CCNG1: variants seen among roughly 807,000 people sequenced by gnomAD.
CCNG1 encodes the protein cyclin-G1.
Under a neutral mutation model 30.0 loss-of-function variants are expected in CCNG1, and 13 were observed. The observed-to-expected ratio is 0.43, with a 90% CI of 0.28 to 0.69. CCNG1 has a LOEUF of 0.69. Among genes scored for constraint, CCNG1 ranks in the 30% least tolerant of loss-of-function variants. CCNG1 has a pLI of 0.16. For missense variants in CCNG1, 285 were observed against 331.4 expected (o/e 0.86, Z 1.09); for synonymous variants, 110 against 121.5 (o/e 0.91, Z 0.62).
At chr5:163,457,178 C>A in the CCNG1 span, 2 of 1,273,022 alleles carry the variant, frequency 1.6e-6, no homozygotes, top group South Asian at 1.6e-5. Context: ...CTCACCCAGG[C>A]TGGAGTGCAG....
downstream of CCNG1, chr5:163,449,456 A>G (rs1379584228): frequency 6.6e-6 from 1 of 152,254 alleles, no homozygotes; most frequent in Non-Finnish European, 1.5e-5. Flanking sequence ...TAAAATGCTG[A>G]TAACTGAAAT....
Position 163,444,633 on chromosome 5 carries a change from T to C in CCNG1, c.*963T>C, listed in dbSNP as rs2113383947. The C allele has an allele frequency of 6.5e-6, 1 of 152,764 alleles. No individual in the cohort carries two copies. Among genetic ancestry groups the C allele is most frequent in the South Asian group, 2.1e-4 (1 of 4,830 alleles). The allele number at this position is 152,764 out of a possible 1,614,324, so 9.5% of individuals were successfully genotyped here. A position where few individuals can be genotyped will look rare whatever the true frequency, so the allele number is the denominator to read the frequency against. ...ATCTTAAGAAAAGCAAGTAGACACC[T>C]TCATAACTATGAATGAAGCTGCTGA... is the stretch of plus-strand genomic sequence containing the variant. On this transcript the variant is annotated 3_prime_UTR_variant, in exon 7 of 7. Transcript: ENST00000340828.
chr5:163,442,400 G>A lies in CCNG1; in HGVS notation c.723G>A (p.Trp241Ter), dbSNP rs1757862703. ...SKINGRDLTF[W>*]QELVSKCLTE... ...TAAATGGCAGAGATCTGACCTTCTG[G>A]CAAGAGCTTGTATCCAAATGTTTAA... is the stretch of plus-strand genomic sequence containing the variant. The change falls in exon 6 of 7, where the codon TGG (tryptophan) becomes TGA (stop). Residue 241 changes from tryptophan to a stop codon, truncating the protein, a stop_gained. Coordinates refer to ENST00000340828, the MANE Select transcript of CCNG1 (RefSeq NM_004060.4). LOFTEE classifies it high-confidence loss of function. 1 of 1,612,872 alleles carries A rather than the reference G, an allele frequency of 6.2e-7. No homozygotes were observed. The highest frequency in any genetic ancestry group is 8.5e-7 in the Non-Finnish European group (1 of 1,179,538).
chr5:163,443,829 C>T lies in CCNG1; in HGVS notation c.*159C>T. On this transcript the variant is annotated 3_prime_UTR_variant, in exon 7 of 7. Coordinates refer to ENST00000340828, the MANE Select transcript of CCNG1 (RefSeq NM_004060.4). ...CTTGGGAAAACTGCCTAATATTATG[C>T]TGTAGTGGAATTATGTTTAGATTTG... 2 of 695,650 alleles carry T rather than the reference C, an allele frequency of 2.9e-6. No homozygotes were observed. Among genetic ancestry groups the T allele is most frequent in the South Asian group, 2.0e-5 (1 of 50,334 alleles). The allele number at this position is 695,650 out of a possible 1,614,324, so 43.1% of individuals were successfully genotyped here.
At chr5:163,451,300 T>C in the CCNG1 span, 1 of 152,200 alleles carries the variant, frequency 6.6e-6, no homozygotes, top group African/African-American at 2.4e-5. Context: ...TTTTTCTTAA[T>C]TATATATGAT....
the CCNG1 span, among the ~76,000 whole-genome samples, chr5:163,455,632 C>T: frequency 4.3e-3 from 648 of 150,762 alleles, 4 homozygotes; most frequent in Non-Finnish European, 6.8e-3. Flanking sequence ...TGCGTGGTGG[C>T]GGGAGCCTAC....
chr5:163,455,025 C>T, the CCNG1 span, among the ~76,000 whole-genome samples: 2 of 151,632 alleles, frequency 1.3e-5, no homozygotes, highest in Non-Finnish European at 2.9e-5. Flanking sequence ...AGACAATATA[C>T]AAACAAATGA....
rs1437839527 is a variant in CCNG1, at chr5:163,443,745, A to G, written c.*75A>G. On this transcript the variant is annotated 3_prime_UTR_variant, in exon 7 of 7. Coordinates refer to ENST00000340828, the MANE Select transcript of CCNG1 (RefSeq NM_004060.4). ...CTTGTTCTATGGATTCCATAATGTTACAATGGATTTAAGCTATGAAGCCTC... is the reference window on the plus strand; with the variant it reads ...CTTGTTCTATGGATTCCATAATGTTGCAATGGATTTAAGCTATGAAGCCTC... 9.9e-6 allele frequency: 15 copies of G among 1,517,542 alleles called. No homozygotes were observed. The highest frequency in any genetic ancestry group is 2.0e-5 in the Admixed American group (1 of 50,222). The allele number at this position is 1,517,542 out of a possible 1,614,324, so 94.0% of individuals were successfully genotyped here.
In CCNG1 at chr5:163,441,779, G is replaced by C; in HGVS notation, c.519-107G>C. On this transcript the variant is annotated intron_variant, in intron 3 of 6. Transcript: ENST00000340828. ...TTCAATAGTTCATTTGCTATGTTAAGTGTGCATAAGCTTTACTTTAAAAAT... is the reference window on the plus strand; with the variant it reads ...TTCAATAGTTCATTTGCTATGTTAACTGTGCATAAGCTTTACTTTAAAAAT... The C allele has an allele frequency of 6.0e-6, 4 of 664,672 alleles. No homozygotes were observed. In the South Asian group the frequency reaches 7.8e-5, roughly 13 times the overall value. The allele number at this position is 664,672 out of a possible 1,614,324, so 41.2% of individuals were successfully genotyped here. A position where few individuals can be genotyped will look rare whatever the true frequency, so the allele number is the denominator to read the frequency against.
At chr5:163,449,634 A>T (rs1361892920), downstream of CCNG1, 1 of 152,238 alleles carries the variant, frequency 6.6e-6, no homozygotes, top group Non-Finnish European at 1.5e-5. Context: ...ATTTCAAAAA[A>T]ATTTTGAAGG....
Position 163,442,789 on chromosome 5 carries a change from G to A in CCNG1, c.*3+221G>A, listed in dbSNP as rs1216473848. On this transcript the variant is annotated intron_variant, in intron 6 of 6. Transcript: ENST00000340828. ...GAATTATCCAACCTCTGATACATAC[G>A]TTAGCCATTTCATTAAATTTTCAGC... is the stretch of plus-strand genomic sequence containing the variant. Among the ~76,000 whole-genome samples the A allele has an allele frequency of 2.6e-5, 4 of 152,112 alleles. No individual in the cohort carries two copies. The South Asian group carries it at 6.2e-4, about 24-fold the overall frequency.
At chr5:163,447,543 A>G (rs1409036249), downstream of CCNG1, 1 of 152,190 alleles carries the variant, frequency 6.6e-6, no homozygotes, top group Non-Finnish European at 1.5e-5. Flanking sequence ...TTCCTCTCTC[A>G]GTAGTCCATA....
Position 163,439,242 on chromosome 5 carries a change from T to C in CCNG1, c.1-15T>C. The C allele has an allele frequency of 6.2e-7, 1 of 1,607,060 alleles. No homozygotes were observed. Among genetic ancestry groups the C allele is most frequent in the Non-Finnish European group, 8.5e-7 (1 of 1,177,782 alleles). ...TACTCTTACACTCCTTGCTGGTCTT[T>C]TTTTCTATATATAGATGATAGAGGT... On this transcript the variant is annotated splice_polypyrimidine_tract_variant and intron_variant, in intron 1 of 6. Coordinates refer to ENST00000340828, the MANE Select transcript of CCNG1 (RefSeq NM_004060.4).
At chr5:163,455,413 G>A in the CCNG1 span, among the ~76,000 whole-genome samples, 94 of 152,296 alleles carry the variant, frequency 6.2e-4, 1 homozygote, top group African/African-American at 2.1e-3. Flanking sequence ...AGAAAGGGCC[G>A]AGAAATGACT....
Position 163,437,609 on chromosome 5 carries a change from G to GCTGA in CCNG1, c.-194_-191dup, listed in dbSNP as rs1561613655. 6.6e-6 allele frequency: 1 copy of GCTGA among 152,106 alleles called. No homozygotes were observed. The highest frequency in any genetic ancestry group is 2.1e-4 in the South Asian group (1 of 4,816). The allele number at this position is 152,106 out of a possible 1,614,324, so 9.4% of individuals were successfully genotyped here. A position where few individuals can be genotyped will look rare whatever the true frequency, so the allele number is the denominator to read the frequency against. On this transcript the variant is annotated 5_prime_UTR_variant, in exon 1 of 7. Coordinates refer to ENST00000340828, the MANE Select transcript of CCNG1 (RefSeq NM_004060.4). The stretch of plus-strand genomic sequence containing the variant: ...GCAGGCGCGGCCCCTTCGGCTCCGA[G>GCTGA]CTGACCCTGATCAGGGCCGAGTTGT...
At chr5:163,456,131 A>G in the CCNG1 span, among the ~76,000 whole-genome samples, 3 of 152,158 alleles carry the variant, frequency 2.0e-5, no homozygotes, top group African/African-American at 7.2e-5. Context: ...GAGATGTTGA[A>G]TAGGCAACCG....
chr5:163,440,989 T>C, intron 2 of CCNG1, 89 bp from the exon 3 acceptor site: 2 of 1,343,280 alleles, frequency 1.5e-6, no homozygotes, highest in Non-Finnish European at 2.0e-6. Flanking sequence ...ATTTTCAAAA[T>C]GTTGGGTCGG....
chr5:163,442,538 TC>T lies in CCNG1; in HGVS notation c.863del (p.Pro288GlnfsTer32). 6.2e-7 allele frequency: 1 copy of T among 1,610,080 alleles called. No individual in the cohort carries two copies. Among genetic ancestry groups the T allele is most frequent in the Non-Finnish European group, 8.5e-7 (1 of 1,178,332 alleles). ...ATAGCTACTACAGAATAACTCACCT[TC>T]CAACAATTCCTGAAATGGTCCCTTA... Reference protein sequence around the residue: ...KHSYYRITHLPTIPEMVP With the variant: ...KHSYYRITHLXTIPEMVP On this transcript the variant is annotated frameshift_variant, in exon 6 of 7. Coordinates refer to ENST00000340828, the MANE Select transcript of CCNG1 (RefSeq NM_004060.4). LOFTEE classifies it high-confidence loss of function.
rs774780092 is a variant in CCNG1, at chr5:163,439,428, G to C, written c.172G>C (p.Asp58His). 6 of 1,613,866 alleles carry C rather than the reference G, an allele frequency of 3.7e-6. No homozygotes were observed. The highest frequency in any genetic ancestry group is 2.2e-5 in the East Asian group (1 of 44,890). The change falls in exon 2 of 7, where the codon GAT (aspartate) becomes CAT (histidine). Residue 58 changes from aspartate to histidine, a missense_variant. Coordinates refer to ENST00000340828, the MANE Select transcript of CCNG1 (RefSeq NM_004060.4). ...AAGACTAAGGGACTTTGAAGTAAAA[G>C]ATCTTCTTAGTCTAACTCAGTTCTT... ...TARLRDFEVK[D>H]LLSLTQFFGF...
Sources: gnomAD v4.1 joint callset for allele counts (sites outside exome capture counted in the v4.1 genomes callset) on GRCh38, gnomAD v4.1.1 for gene constraint, MANE v1.5 for transcripts, NCBI Gene and HGNC (gene_info 2026-07-23, HGNC 2026-07-21) for gene names.